ARFGEF1: variants seen among roughly 807,000 people sequenced by gnomAD.
ARFGEF1 encodes brefeldin A-inhibited guanine nucleotide-exchange protein 1.
Under a neutral mutation model 231.0 loss-of-function variants are expected in ARFGEF1, and 42 were observed. The ratio of observed to expected loss-of-function variants is 0.18; its 90% CI spans 0.14 to 0.24. ARFGEF1 has a LOEUF of 0.24. Ranked by LOEUF, ARFGEF1 falls within the 10% of genes least tolerant of loss-of-function variation. The pLI is 1.00. For synonymous variants in ARFGEF1, 710 were observed against 732.3 expected (o/e 0.97, Z 0.49); for missense variants, 1,345 against 2,192.0 (o/e 0.61, Z 7.72).
chr8:67,201,991 T>A lies in ARFGEF1; in HGVS notation c.5129-386A>T, dbSNP rs925517900. Reference sequence around the variant, plus strand: ...CCGGTGTGTGTGGACACAAGGAGGCTCTATCAGCTCAGCAGGAAGAGGCCC... The same window carrying A: ...CCGGTGTGTGTGGACACAAGGAGGCACTATCAGCTCAGCAGGAAGAGGCCC... On this transcript the variant is annotated intron_variant, in intron 36 of 38. Transcript: ENST00000262215. The A allele has an allele frequency of 3.5e-5, 7 of 199,446 alleles. 1 individual carries two copies. The South Asian group carries it at 5.8e-4, about 16-fold the overall frequency. 12.4% of individuals were successfully genotyped at this position (199,446 alleles called of 1,614,324 possible).
intron 37 of ARFGEF1, among the ~76,000 whole-genome samples, 188 bp downstream of exon 37, chr8:67,201,279 T>A (rs1838318171): frequency 6.6e-6 from 1 of 152,212 alleles, no homozygotes; most frequent in South Asian, 2.1e-4. Flanking sequence ...ATGTTAGACA[T>A]GATTTGGCCA....
intron 1 of ARFGEF1, among the ~76,000 whole-genome samples, chr8:67,339,790 T>TGGGGTGGGGGGGGGGGGGGGGGGGGGGGG (rs1479485264): frequency 2.4e-3 from 1 of 422 alleles, no homozygotes; most frequent in African/African-American, 4.9e-3. Flanking sequence ...TGTAACAGTG[T>TGGGGTGGGGGGGGGGGGGGGGGGGGGGGG]GGGGCGGGGG....
At chr8:67,304,160 A>G (rs1806631281) in intron 1 of ARFGEF1, among the ~76,000 whole-genome samples, 1 of 152,258 alleles carries the variant, frequency 6.6e-6, no homozygotes, top group African/African-American at 2.4e-5. Context: ...CTAACTGAGC[A>G]TCTTTCACGT....
At chr8:67,201,357 G>T in intron 37 of ARFGEF1, 110 bp downstream of exon 37, 1 of 1,339,828 alleles carries the variant, frequency 7.5e-7, no homozygotes, top group Non-Finnish European at 1.0e-6. Context: ...TGGAATAGGG[G>T]CATCCAGGCC....
intron 5 of ARFGEF1, among the ~76,000 whole-genome samples, chr8:67,181,817 G>C (rs549904503): frequency 6.6e-6 from 1 of 152,200 alleles, no homozygotes; most frequent in African/African-American, 2.4e-5. Context: ...ATATGAAACA[G>C]TAATTCCCCA....
downstream of ARFGEF1, chr8:67,174,905 T>C (rs913825389): frequency 3.6e-5 from 6 of 167,152 alleles, no homozygotes; most frequent in African/African-American, 1.4e-4. Flanking sequence ...CAGTATATTT[T>C]AGAGATCAGC....
intron 1 of ARFGEF1, among the ~76,000 whole-genome samples, chr8:67,319,943 G>A (rs907790217): frequency 2.6e-5 from 4 of 151,968 alleles, no homozygotes; most frequent in South Asian, 4.1e-4. Context: ...TGCTCAGACC[G>A]GGCACAGTGG....
rs990127251 is a variant in ARFGEF1 at position 67,267,506 on chromosome 8, TA to T, written c.1573-65del. The T allele has an allele frequency of 1.0e-5, 11 of 1,088,422 alleles. No individual in the cohort carries two copies. In the Admixed American group the frequency reaches 2.1e-4, roughly 21 times the overall value. 67.4% of individuals were successfully genotyped at this position (1,088,422 alleles called of 1,614,324 possible). A position where few individuals can be genotyped will look rare whatever the true frequency, so the allele number is the denominator to read the frequency against. ...AGAATTCATATGTGTGATCACTTTTTAAACATCCCAGAGCTATAGAGCAGGT... is the reference window on the plus strand; with the variant it reads ...AGAATTCATATGTGTGATCACTTTTTAACATCCCAGAGCTATAGAGCAGGT... On this transcript the variant is annotated intron_variant, in intron 10 of 38. Coordinates refer to ENST00000262215, the MANE Select transcript of ARFGEF1 (RefSeq NM_006421.5).
chr8:67,336,227 T>C (rs1808341827), intron 1 of ARFGEF1, among the ~76,000 whole-genome samples: 1 of 152,210 alleles, frequency 6.6e-6, no homozygotes, highest in Admixed American at 6.5e-5. Flanking sequence ...CAAGAGCCTC[T>C]ACTTATAACA....
intron 1 of ARFGEF1, among the ~76,000 whole-genome samples, chr8:67,311,764 A>G (rs1229713846): frequency 6.6e-6 from 1 of 152,242 alleles, no homozygotes; most frequent in Non-Finnish European, 1.5e-5. Context: ...AGAACGGGCC[A>G]GGATGACAAT....
chr8:67,236,993 T>G (rs1839790680), intron 22 of ARFGEF1, among the ~76,000 whole-genome samples: 1 of 152,190 alleles, frequency 6.6e-6, no homozygotes. Flanking sequence ...CACTGGTGTT[T>G]TATTTTTAGT....
chr8:67,326,949 A>G (rs1433289060), intron 1 of ARFGEF1, among the ~76,000 whole-genome samples: 1 of 152,224 alleles, frequency 6.6e-6, no homozygotes, highest in Non-Finnish European at 1.5e-5. Flanking sequence ...GAACAAAACA[A>G]TTTCCTTCCT....
At chr8:67,279,772 C>T (rs955733976) in intron 7 of ARFGEF1, among the ~76,000 whole-genome samples, 2 of 152,088 alleles carry the variant, frequency 1.3e-5, no homozygotes, top group Non-Finnish European at 2.9e-5. Flanking sequence ...AGTAATAGTA[C>T]CTAAACATCC....
intron 16 of ARFGEF1, 91 bp downstream of exon 16, chr8:67,257,994 T>A (rs1411852163): frequency 8.0e-7 from 1 of 1,249,106 alleles, no homozygotes; most frequent in Non-Finnish European, 1.1e-6. Context: ...AAACAGGGGA[T>A]TAGGTCCTAT....
rs1285994792 is a variant in ARFGEF1, at chr8:67,237,951, G to A, written c.3289+392C>T. ...TATTGAGCGCATGGGGAGCCATGGG[G>A]AGAGGTTTCATACTGGCAGAAAGGC... On this transcript the variant is annotated intron_variant, in intron 22 of 38. Transcript: ENST00000262215. Among the ~76,000 whole-genome samples the A allele has an allele frequency of 5.3e-5, 8 of 152,272 alleles. No individual in the cohort carries two copies. In the East Asian group the frequency reaches 7.7e-4, roughly 15 times the overall value.
rs1290910175 is a variant in ARFGEF1 at position 67,244,272 on chromosome 8, T to G, written c.2851-3982A>C. On this transcript the variant is annotated intron_variant, in intron 19 of 38. Transcript: ENST00000262215. ...AAAAAAAAAAAAAAAAAAAAAACAT[T>G]CGACTACTGAGTCTCTCGTCTCTCT... Among the ~76,000 whole-genome samples, 3 of 8,836 alleles carry G rather than the reference T, an allele frequency of 3.4e-4. 1 individual carries two copies. The highest frequency in any genetic ancestry group is 0.016 in the South Asian group (2 of 128). The allele number at this position is 8,836 out of a possible 152,430, so 5.8% of individuals were successfully genotyped here. A position where few individuals can be genotyped will look rare whatever the true frequency, so the allele number is the denominator to read the frequency against.
At chr8:67,182,825 CAG>C (rs1833398738) in intron 5 of ARFGEF1, among the ~76,000 whole-genome samples, 1 of 152,108 alleles carries the variant, frequency 6.6e-6, no homozygotes, top group African/African-American at 2.4e-5. Context: ...TTTTTAAAAT[CAG>C]AGTTTTTTTG....
At chr8:67,317,060 C>G (rs1248885893) in intron 1 of ARFGEF1, among the ~76,000 whole-genome samples, 3 of 152,178 alleles carry the variant, frequency 2.0e-5, no homozygotes, top group Non-Finnish European at 2.9e-5. Context: ...CCTGGACACC[C>G]AAAGCTTGGG....
intron 10 of ARFGEF1, among the ~76,000 whole-genome samples, chr8:67,271,095 A>G (rs1334257215): frequency 6.6e-6 from 1 of 151,438 alleles, no homozygotes; most frequent in Non-Finnish European, 1.5e-5. Context: ...ACACATGCAG[A>G]CACGATTGAA....
Sources: gnomAD v4.1 joint callset for allele counts (sites outside exome capture counted in the v4.1 genomes callset) on GRCh38, gnomAD v4.1.1 for gene constraint, MANE v1.5 for transcripts, NCBI Gene and HGNC (gene_info 2026-07-23, HGNC 2026-07-21) for gene names.